Variants in ARHGAP15 observed in about 807,000 individuals in gnomAD.
The protein encoded by ARHGAP15 is rho GTPase-activating protein 15.
A neutral mutation model predicts 63.7 loss-of-function variants in ARHGAP15; 51 were observed. That is an observed-to-expected ratio of 0.80 (90% CI 0.64 to 1.01). The LOEUF (loss-of-function observed/expected upper bound fraction) is 1.01. ARHGAP15 is among the 50% of genes least tolerant of loss of function. The pLI is 0.00. For synonymous variants in ARHGAP15, 191 were observed against 193.8 expected (o/e 0.99, Z 0.12); for missense variants, 560 against 564.6 (o/e 0.99, Z 0.08).
Position 143,486,069 on chromosome 2 carries a change from T to C in ARHGAP15, c.704-1304T>C, listed in dbSNP as rs74520937. Among the ~76,000 whole-genome samples the C allele has an allele frequency of 3.0e-3, 457 of 152,266 alleles. 13 individuals carry two copies. The East Asian group carries it at 0.078, about 26-fold the overall frequency. ...AGGCAGGGAAAGCAGGATGCAAAAATTCCCTTTCTTTGCCAGTTATAGAGA... is the reference window on the plus strand; with the variant it reads ...AGGCAGGGAAAGCAGGATGCAAAAACTCCCTTTCTTTGCCAGTTATAGAGA... On this transcript the variant is annotated intron_variant, in intron 8 of 13. Coordinates refer to ENST00000295095, the MANE Select transcript of ARHGAP15 (RefSeq NM_018460.4).
intron 6 of ARHGAP15, among the ~76,000 whole-genome samples, chr2:143,387,558 T>C (rs1687339980): frequency 6.6e-6 from 1 of 152,180 alleles, no homozygotes; most frequent in Non-Finnish European, 1.5e-5. Context: ...GGCATTGTAT[T>C]GACATTTTAC....
intron 9 of ARHGAP15, among the ~76,000 whole-genome samples, chr2:143,491,868 G>A (rs1191892909): frequency 1.3e-5 from 2 of 151,876 alleles, no homozygotes; most frequent in African/African-American, 4.8e-5. Context: ...CCTCATCTTA[G>A]CTTTTTTTAT....
intron 11 of ARHGAP15, among the ~76,000 whole-genome samples, chr2:143,585,240 A>G (rs1697066125): frequency 6.6e-6 from 1 of 152,170 alleles, no homozygotes; most frequent in Non-Finnish European, 1.5e-5. Flanking sequence ...ATTTTATGCA[A>G]CTATATTGCT....
At chr2:143,624,370 T>C in intron 12 of ARHGAP15, 103 bp downstream of exon 12, 2 of 1,324,590 alleles carry the variant, frequency 1.5e-6, no homozygotes, top group Non-Finnish European at 2.0e-6. Flanking sequence ...GGGGAACAGA[T>C]AGTATCCCCG....
chr2:143,258,641 G>C (rs1353033177), intron 6 of ARHGAP15, among the ~76,000 whole-genome samples: 1 of 152,172 alleles, frequency 6.6e-6, no homozygotes, highest in Non-Finnish European at 1.5e-5. Flanking sequence ...AGGATGTTGA[G>C]AGGTGGCCTA....
chr2:143,351,198 T>C (rs116576796), intron 6 of ARHGAP15: 1 of 152,350 alleles, frequency 6.6e-6, no homozygotes, highest in African/African-American at 2.4e-5. Flanking sequence ...ATTTAGCATG[T>C]ATAAGGACTA....
At chr2:143,533,970 T>A (rs1258652307) in intron 10 of ARHGAP15, among the ~76,000 whole-genome samples, 3 of 152,198 alleles carry the variant, frequency 2.0e-5, no homozygotes, top group Non-Finnish European at 4.4e-5. Flanking sequence ...ACTTGTGGCA[T>A]TGTTTGTGTA....
At chr2:143,455,842 A>G (rs149616812) in intron 8 of ARHGAP15, among the ~76,000 whole-genome samples, 6 of 152,232 alleles carry the variant, frequency 3.9e-5, no homozygotes, top group Admixed American at 2.0e-4. Flanking sequence ...ATAAATCAAA[A>G]TGCTCCAATC....
chr2:143,626,861 T>C (rs1247659966), intron 12 of ARHGAP15, among the ~76,000 whole-genome samples: 1 of 152,118 alleles, frequency 6.6e-6, no homozygotes, highest in African/African-American at 2.4e-5. Flanking sequence ...ATCTGAAAGT[T>C]TGTTTCCCAT....
chr2:143,286,502 C>T (rs1682109279), intron 6 of ARHGAP15, among the ~76,000 whole-genome samples: 1 of 152,184 alleles, frequency 6.6e-6, no homozygotes, highest in South Asian at 2.1e-4. Context: ...AATATGAAAT[C>T]ATATTCATGT....
At chr2:143,679,156 T>C (rs1388654331) in intron 12 of ARHGAP15, among the ~76,000 whole-genome samples, 1 of 151,708 alleles carries the variant, frequency 6.6e-6, no homozygotes, top group Non-Finnish European at 1.5e-5. Context: ...AAAAAAAATA[T>C]GCTGCACTCA....
chr2:143,284,346 TA>T (rs1394348792), intron 6 of ARHGAP15, among the ~76,000 whole-genome samples: 11 of 152,208 alleles, frequency 7.2e-5, no homozygotes, highest in African/African-American at 2.7e-4. Context: ...AAGGAAAATG[TA>T]AATGTCAATT....
intron 9 of ARHGAP15, among the ~76,000 whole-genome samples, chr2:143,494,513 A>G (rs7604665): frequency 4.1e-4 from 62 of 152,084 alleles, no homozygotes; most frequent in African/African-American, 1.4e-3. Context: ...ATCTGAGGAC[A>G]TAGATTAGAA....
intron 6 of ARHGAP15, among the ~76,000 whole-genome samples, chr2:143,311,341 C>T (rs1683439604): frequency 1.3e-5 from 2 of 151,428 alleles, no homozygotes; most frequent in Non-Finnish European, 2.9e-5. Flanking sequence ...GCATAACCCA[C>T]CATTCATATT....
chr2:143,710,559 C>CTTTA (rs1236005677), intron 13 of ARHGAP15, among the ~76,000 whole-genome samples: 1 of 152,182 alleles, frequency 6.6e-6, no homozygotes, highest in Non-Finnish European at 1.5e-5. Flanking sequence ...GAAATTATTA[C>CTTTA]TTTAGATCTT....
chr2:143,492,325 A>G (rs1692617900), intron 9 of ARHGAP15, among the ~76,000 whole-genome samples: 1 of 152,184 alleles, frequency 6.6e-6, no homozygotes, highest in African/African-American at 2.4e-5. Context: ...CTAAGCCTCC[A>G]TTGGTAAGAT....
Position 143,510,018 on chromosome 2 carries a change from TAAAAAAAAA to T in ARHGAP15, c.827-9227_827-9219del, listed in dbSNP as rs35469918. ...CTGGCGACAGAGTAAGACTCCCTCT[TAAAAAAAAA>T]AAAAAAAAAAAAAAAAAAAATAGAA... On this transcript the variant is annotated intron_variant, in intron 9 of 13. Coordinates refer to ENST00000295095, the MANE Select transcript of ARHGAP15 (RefSeq NM_018460.4). 5.7e-4 allele frequency among the ~76,000 whole-genome samples: 28 copies of T among 48,824 alleles called. No homozygotes were observed. The East Asian group carries it at 7.0e-3, about 12-fold the overall frequency. 32.0% of individuals were successfully genotyped at this position (48,824 alleles called of 152,430 possible).
intron 6 of ARHGAP15, among the ~76,000 whole-genome samples, chr2:143,429,220 GT>G (rs67580605): frequency 0.088 from 11,659 of 131,802 alleles, 792 homozygotes; most frequent in African/African-American, 0.23. Context: ...GAACATGAGG[GT>G]TTTTTTTTTT....
At chr2:143,611,022 C>T (rs1159807125) in intron 11 of ARHGAP15, among the ~76,000 whole-genome samples, 4 of 152,120 alleles carry the variant, frequency 2.6e-5, no homozygotes, top group African/African-American at 7.2e-5. Context: ...AGCCACTGCA[C>T]CTGGCCTTTT....
Sources: allele counts gnomAD v4.1 joint callset (sites outside exome capture counted in the v4.1 genomes callset), GRCh38; gene constraint gnomAD v4.1.1; transcripts MANE v1.5; gene names NCBI Gene and HGNC (gene_info 2026-07-23, HGNC 2026-07-21).